MGLL: variants seen among roughly 807,000 people sequenced by gnomAD.
The protein encoded by MGLL is monoglyceride lipase.
In MGLL, 7 loss-of-function variants were observed where a neutral mutation model predicts 29.1. That is an observed-to-expected ratio of 0.24 (90% CI 0.14 to 0.45). The LOEUF (loss-of-function observed/expected upper bound fraction) is 0.45, where lower values mean the gene tolerates loss of function less well. Ranked by LOEUF, MGLL falls within the 20% of genes least tolerant of loss-of-function variation. The pLI is 0.99. For synonymous variants in MGLL, 148 were observed against 168.3 expected (o/e 0.88, Z 0.93); for missense variants, 356 against 413.6 (o/e 0.86, Z 1.21).
chr3:127,744,759 C>T (rs770530260), intron 3 of MGLL, among the ~76,000 whole-genome samples: 18 of 152,100 alleles, frequency 1.2e-4, no homozygotes, highest in East Asian at 1.9e-4. Flanking sequence ...TTTACACCGC[C>T]GGACACGGTT....
At chr3:127,806,683 G>C (rs2077572060) in intron 2 of MGLL, among the ~76,000 whole-genome samples, 2 of 152,088 alleles carry the variant, frequency 1.3e-5, no homozygotes, top group Admixed American at 6.6e-5. Context: ...ATGGATGAAT[G>C]GGTGAGTTGG....
intron 3 of MGLL, among the ~76,000 whole-genome samples, chr3:127,774,600 T>G (rs1378602663): frequency 6.6e-6 from 1 of 152,244 alleles, no homozygotes; most frequent in Non-Finnish European, 1.5e-5. Context: ...TTTCAATAGC[T>G]GCAAAGTCTC....
chr3:127,769,288 T>C (rs961542858), intron 3 of MGLL, among the ~76,000 whole-genome samples: 1 of 150,772 alleles, frequency 6.6e-6, no homozygotes, highest in Non-Finnish European at 1.5e-5. Flanking sequence ...GAGGAGGAGG[T>C]TGCAGTGAGC....
rs989276363 is a variant in MGLL at position 127,694,900 on chromosome 3, G to C, written c.816+75C>G. 3.4e-6 allele frequency: 5 copies of C among 1,476,464 alleles called. No homozygotes were observed. In the African/African-American group the frequency reaches 6.9e-5, roughly 21 times the overall value. The allele number at this position is 1,476,464 out of a possible 1,614,324, so 91.5% of individuals were successfully genotyped here. A position where few individuals can be genotyped will look rare whatever the true frequency, so the allele number is the denominator to read the frequency against. On this transcript the variant is annotated intron_variant, in intron 7 of 7. Transcript: ENST00000265052. ...GAGGTGGCCCTCGAGGGTCTGGGCA[G>C]ATGTGCCCCAAGGGGTGCTGCCTTC...
chr3:127,819,257 T>C (rs1022595272), intron 2 of MGLL, among the ~76,000 whole-genome samples: 9 of 152,172 alleles, frequency 5.9e-5, no homozygotes, highest in African/African-American at 2.2e-4. Flanking sequence ...CTGGGGGCAA[T>C]ATGTCTCTGT....
chr3:127,797,755 G>C (rs115591802), intron 2 of MGLL, among the ~76,000 whole-genome samples: 1 of 152,056 alleles, frequency 6.6e-6, no homozygotes, highest in South Asian at 2.1e-4. Context: ...CTATAGGCGC[G>C]AGCCACCACT....
At chr3:127,814,088 T>C (rs904033255) in intron 2 of MGLL, among the ~76,000 whole-genome samples, 2 of 152,032 alleles carry the variant, frequency 1.3e-5, no homozygotes, top group Admixed American at 1.3e-4. Flanking sequence ...TTGCTAGAGC[T>C]GTGACTCCCT....
intron 2 of MGLL, among the ~76,000 whole-genome samples, chr3:127,796,578 T>C (rs542874726): frequency 1.8e-4 from 27 of 152,290 alleles, no homozygotes; most frequent in African/African-American, 6.5e-4. Context: ...AGAATTTCAT[T>C]TGAGACCAGT....
At position 127,697,286 on chromosome 3, in the gene MGLL, G is replaced by T. The variant is rs1559904959; in HGVS notation, c.601-2096C>A. 2.6e-5 allele frequency among the ~76,000 whole-genome samples: 4 copies of T among 152,360 alleles called. No individual in the cohort carries two copies. In the East Asian group the frequency reaches 7.7e-4, roughly 29 times the overall value. On this transcript the variant is annotated intron_variant, in intron 6 of 7. Coordinates refer to ENST00000265052, the MANE Select transcript of MGLL (RefSeq NM_007283.7). Reference sequence around the variant, plus strand: ...GGGGCTTGGAGTCACCAACAGCAGCGCCATCTACCAGCCTGTGCAGGGCTG... The same window carrying T: ...GGGGCTTGGAGTCACCAACAGCAGCTCCATCTACCAGCCTGTGCAGGGCTG...
intron 2 of MGLL, among the ~76,000 whole-genome samples, chr3:127,807,913 CA>C (rs2077596636): frequency 6.6e-6 from 1 of 151,778 alleles, no homozygotes; most frequent in African/African-American, 2.4e-5. Context: ...AGGTGCCCAC[CA>C]CCATACCCAG....
intron 3 of MGLL, among the ~76,000 whole-genome samples, chr3:127,737,301 A>G (rs910440428): frequency 6.6e-6 from 1 of 151,346 alleles, no homozygotes; most frequent in African/African-American, 2.4e-5. Flanking sequence ...GACTGTAGTA[A>G]GGTGGAGGTC....
chr3:127,777,858 G>C (rs1179055008), intron 3 of MGLL, among the ~76,000 whole-genome samples: 1 of 152,248 alleles, frequency 6.6e-6, no homozygotes, highest in East Asian at 1.9e-4. Context: ...TATGAGAAAA[G>C]TGCCCAGTAG....
chr3:127,779,692 T>C (rs2077091504), intron 3 of MGLL, among the ~76,000 whole-genome samples: 1 of 152,082 alleles, frequency 6.6e-6, no homozygotes, highest in Non-Finnish European at 1.5e-5. Flanking sequence ...GCTAGTAAAA[T>C]CAGTTAGCGT....
intron 6 of MGLL, among the ~76,000 whole-genome samples, chr3:127,706,717 G>GT (rs2075609620): frequency 1.3e-5 from 2 of 152,224 alleles, no homozygotes; most frequent in Admixed American, 6.5e-5. Flanking sequence ...TGTGGGGAAT[G>GT]TAAGTGATGA....
chr3:127,822,065 T>C (rs2077871568), intron 1 of MGLL: 1 of 653,422 alleles, frequency 1.5e-6, no homozygotes, highest in East Asian at 2.8e-5. Context: ...AAGTGCCTCA[T>C]TACAGTTTTT....
chr3:127,779,675 G>A (rs937194059), intron 3 of MGLL, among the ~76,000 whole-genome samples: 2 of 152,152 alleles, frequency 1.3e-5, no homozygotes, highest in African/African-American at 4.8e-5. Context: ...TGAGCAACGA[G>A]ATCCAAGCTA....
At chr3:127,808,766 T>C (rs2077611113) in intron 2 of MGLL, among the ~76,000 whole-genome samples, 1 of 152,216 alleles carries the variant, frequency 6.6e-6, no homozygotes, top group African/African-American at 2.4e-5. Context: ...CTCCAGTGCC[T>C]CTACTTAGTC....
Position 127,808,712 on chromosome 3 carries a change from C to T in MGLL, c.155+12982G>A, listed in dbSNP as rs544522903. Among the ~76,000 whole-genome samples, 4 of 152,324 alleles carry T rather than the reference C, an allele frequency of 2.6e-5. No homozygotes were observed. In the South Asian group the frequency reaches 8.3e-4, roughly 32 times the overall value. On this transcript the variant is annotated intron_variant, in intron 2 of 7. Transcript: ENST00000265052. ...CTACTCAGGCTCCAAGCTCATCTCC[C>T]ACTATTCTCCAACATCAGCCTCTCT...
rs577786864 is a variant in MGLL at position 127,710,787 on chromosome 3, G to A, written c.511-122C>T. 1.0e-3 allele frequency: 956 copies of A among 914,992 alleles called. 1 individual carries two copies. The highest frequency in any genetic ancestry group is 1.5e-3 in the South Asian group (106 of 70,866). The allele number at this position is 914,992 out of a possible 1,614,324, so 56.7% of individuals were successfully genotyped here. Reference sequence around the variant, plus strand: ...CCCAAACTGAACATCAGCCAGGTTCGTCTCCCAAGCCTGCGTCCTTAAGCC... The same window carrying A: ...CCCAAACTGAACATCAGCCAGGTTCATCTCCCAAGCCTGCGTCCTTAAGCC... On this transcript the variant is annotated intron_variant, in intron 5 of 7. Transcript: ENST00000265052.
Sources: gnomAD v4.1 joint callset for allele counts (sites outside exome capture counted in the v4.1 genomes callset) on GRCh38, gnomAD v4.1.1 for gene constraint, MANE v1.5 for transcripts, NCBI Gene and HGNC (gene_info 2026-07-23, HGNC 2026-07-21) for gene names.